OSBPL3: variants seen among roughly 807,000 people sequenced by gnomAD.
OSBPL3 encodes the protein oxysterol binding protein like 3.
In OSBPL3, 65 loss-of-function variants were observed where a neutral mutation model predicts 120.1. That is an observed-to-expected ratio of 0.54 (90% CI 0.44 to 0.67). OSBPL3 has a LOEUF of 0.67. OSBPL3 is among the 30% of genes least tolerant of loss of function. OSBPL3 has a pLI of 0.00. For synonymous variants in OSBPL3, 416 were observed against 402.6 expected (o/e 1.03, Z -0.40); for missense variants, 1,004 against 1,082.1 (o/e 0.93, Z 1.01).
rs1026222518 is a variant in OSBPL3, at chr7:24,833,482, G to A, written c.1746+1004C>T. 9.8e-5 allele frequency among the ~76,000 whole-genome samples: 15 copies of A among 152,358 alleles called. No individual in the cohort carries two copies. Among genetic ancestry groups the A allele is most frequent in the African/African-American group, 3.6e-4 (15 of 41,586 alleles). ...TTAATCTTCAAATCATTGAAGTAAT[G>A]ATGTTTTAATGAGCGCTAGAACTGC... On this transcript the variant is annotated intron_variant, in intron 15 of 22. Transcript: ENST00000313367. This position sits in a 1 kb window ranked among gnomAD's most constrained non-coding sequence, Gnocchi z 4.4.
chr7:24,864,738 C>T (rs563733481), intron 7 of OSBPL3, among the ~76,000 whole-genome samples: 7 of 152,158 alleles, frequency 4.6e-5, no homozygotes, highest in South Asian at 2.1e-4. Flanking sequence ...TGGATCTTTT[C>T]GGTTTTTAGT....
At chr7:24,909,323 G>T (rs1008160535) in intron 1 of OSBPL3, among the ~76,000 whole-genome samples, 1 of 152,106 alleles carries the variant, frequency 6.6e-6, no homozygotes, top group African/African-American at 2.4e-5. Flanking sequence ...ACTAAGGGCT[G>T]CCAATGAGAT....
In OSBPL3 at chr7:24,894,734, T is replaced by C. The variant is rs532169872; in HGVS notation, c.-149-2113A>G. ...GAGTCTGGGATGAGAGGGGTGTGTG[T>C]GCAATGTAAAGGGAGAGAAACGTGG... is the stretch of plus-strand genomic sequence containing the variant. On this transcript the variant is annotated intron_variant, in intron 1 of 22. Coordinates refer to ENST00000313367, the MANE Select transcript of OSBPL3 (RefSeq NM_015550.4). This position sits in a 1 kb window ranked among gnomAD's most constrained non-coding sequence, Gnocchi z 4.1. 6.6e-6 allele frequency among the ~76,000 whole-genome samples: 1 copy of C among 152,136 alleles called. No homozygotes were observed. Among genetic ancestry groups the C allele is most frequent in the African/African-American group, 2.4e-5 (1 of 41,416 alleles).
intron 1 of OSBPL3, 64 bp downstream of exon 1, chr7:24,979,822 G>C: frequency 1.1e-6 from 1 of 928,008 alleles, no homozygotes; most frequent in Middle Eastern, 5.5e-4. Context: ...GCCCTTCCGA[G>C]CCCGCGCCGC....
intron 13 of OSBPL3, among the ~76,000 whole-genome samples, chr7:24,841,828 A>G (rs1356187652): frequency 1.3e-5 from 2 of 151,670 alleles, no homozygotes; most frequent in Non-Finnish European, 2.9e-5. Context: ...CGTGGCCAAC[A>G]TGGTGAAACC....
At chr7:24,956,581 A>G (rs1178950018) in intron 1 of OSBPL3, among the ~76,000 whole-genome samples, 2 of 152,210 alleles carry the variant, frequency 1.3e-5, no homozygotes, top group African/African-American at 4.8e-5. Flanking sequence ...CATGAGGCAT[A>G]TATACATCTA....
At position 24,867,506 on chromosome 7, in the gene OSBPL3, C is replaced by T. The variant is rs1425905722; in HGVS notation, c.382-1269G>A. ...GGGCAAGTCATTCCCATGGTGTTCTCGTGGTGGTGCGTGGGTCTCGCAAGA... is the reference window on the plus strand; with the variant it reads ...GGGCAAGTCATTCCCATGGTGTTCTTGTGGTGGTGCGTGGGTCTCGCAAGA... On this transcript the variant is annotated intron_variant, in intron 5 of 22. Transcript: ENST00000313367. The surrounding 1 kb of genome is among the most constrained non-coding windows in gnomAD (Gnocchi z 4.5). Among the ~76,000 whole-genome samples the T allele has an allele frequency of 2.6e-5, 4 of 152,062 alleles. No homozygotes were observed. Among genetic ancestry groups the T allele is most frequent in the Admixed American group, 2.0e-4 (3 of 15,272 alleles).
chr7:24,977,906 T>G lies in OSBPL3; in HGVS notation c.-150+1980A>C, dbSNP rs375152832. ...TACAGCTTACTGCAGCCTGGGAGTA[T>G]CTGGCTTATGATGTAACTATTAACG... On this transcript the variant is annotated intron_variant, in intron 1 of 22. Coordinates refer to ENST00000313367, the MANE Select transcript of OSBPL3 (RefSeq NM_015550.4). Among the ~76,000 whole-genome samples the G allele has an allele frequency of 1.8e-4, 28 of 152,386 alleles. 4 individuals carry two copies. Among genetic ancestry groups the G allele is most frequent in the South Asian group, 1.7e-3 (8 of 4,826 alleles).
chr7:24,853,846 TC>T (rs1367517543), intron 10 of OSBPL3, among the ~76,000 whole-genome samples: 1 of 152,184 alleles, frequency 6.6e-6, no homozygotes, highest in Non-Finnish European at 1.5e-5. Context: ...TCTGTATAAT[TC>T]TTGCAACTTT....
intron 2 of OSBPL3, among the ~76,000 whole-genome samples, chr7:24,876,214 A>C (rs115937573): frequency 0.023 from 3,450 of 151,808 alleles, 135 homozygotes; most frequent in African/African-American, 0.079. Context: ...CTTTATTTCC[A>C]CTTTGGCGAT....
At chr7:24,909,975 T>C (rs1562916450) in intron 1 of OSBPL3, among the ~76,000 whole-genome samples, 1 of 151,862 alleles carries the variant, frequency 6.6e-6, no homozygotes, top group Non-Finnish European at 1.5e-5. Flanking sequence ...CGGCTAATTT[T>C]TGTACTTTTT....
rs879513146 is a variant in OSBPL3, at chr7:24,917,409, T to TGTAAC, written c.-149-24789_-149-24788insGTTAC. 2.2e-5 allele frequency among the ~76,000 whole-genome samples: 3 copies of TGTAAC among 134,996 alleles called. No individual in the cohort carries two copies. In the Middle Eastern group the frequency reaches 0.011, roughly 504 times the overall value. 88.6% of individuals were successfully genotyped at this position (134,996 alleles called of 152,430 possible). A position where few individuals can be genotyped will look rare whatever the true frequency, so the allele number is the denominator to read the frequency against. On this transcript the variant is annotated intron_variant, in intron 1 of 22. Coordinates refer to ENST00000313367, the MANE Select transcript of OSBPL3 (RefSeq NM_015550.4). ...TATATATATATTTGTAACATATATATATATATATATATATATATTTGTAAC... is the reference window on the plus strand; with the variant it reads ...TATATATATATTTGTAACATATATATGTAACATATATATATATATATATTTGTAAC...
At chr7:24,800,410 A>C in intron 22 of OSBPL3, 131 bp from the exon 23 acceptor site, 1 of 522,952 alleles carries the variant, frequency 1.9e-6, no homozygotes, top group Non-Finnish European at 3.5e-6. Context: ...GAGTGTTGGG[A>C]CCGGGAATTC....
intron 1 of OSBPL3, among the ~76,000 whole-genome samples, chr7:24,941,378 C>T (rs1319657012): frequency 6.6e-6 from 1 of 152,086 alleles, no homozygotes; most frequent in Non-Finnish European, 1.5e-5. Flanking sequence ...AACATTTCCC[C>T]TCTTTCTACT....
intron 1 of OSBPL3, among the ~76,000 whole-genome samples, chr7:24,941,049 G>T (rs1346466180): frequency 6.6e-6 from 1 of 152,148 alleles, no homozygotes; most frequent in Non-Finnish European, 1.5e-5. Flanking sequence ...TCGATCTCCT[G>T]ACCTTGTGAT....
chr7:24,951,733 G>A (rs1202412926), intron 1 of OSBPL3, among the ~76,000 whole-genome samples: 1 of 152,100 alleles, frequency 6.6e-6, no homozygotes, highest in Non-Finnish European at 1.5e-5. Context: ...ACACACCACG[G>A]GGGAGAAACC....
intron 16 of OSBPL3, among the ~76,000 whole-genome samples, chr7:24,828,167 G>C (rs1795919397): frequency 6.6e-6 from 1 of 151,988 alleles, no homozygotes; most frequent in South Asian, 2.1e-4. Context: ...TGGGATTATA[G>C]GCATGTGACA....
Position 24,805,242 on chromosome 7 carries a change from T to C in OSBPL3, c.2445-805A>G, listed in dbSNP as rs1269436725. On this transcript the variant is annotated intron_variant, in intron 21 of 22. Coordinates refer to ENST00000313367, the MANE Select transcript of OSBPL3 (RefSeq NM_015550.4). The surrounding 1 kb of genome is among the most constrained non-coding windows in gnomAD (Gnocchi z 4.0). ...CCTTTTCTCCCATAACCTCAAAGTG[T>C]ATAAAACTTCTGAATTTTTGCCAAT... Among the ~76,000 whole-genome samples the C allele has an allele frequency of 6.6e-6, 1 of 152,200 alleles. No individual in the cohort carries two copies. The highest frequency in any genetic ancestry group is 2.4e-5 in the African/African-American group (1 of 41,446).
intron 1 of OSBPL3, among the ~76,000 whole-genome samples, chr7:24,963,138 A>C (rs765994036): frequency 3.9e-5 from 6 of 152,176 alleles, no homozygotes; most frequent in Non-Finnish European, 7.4e-5. Flanking sequence ...TTGGGCCTTT[A>C]GAGCACTAAA....
Sources: allele counts gnomAD v4.1 joint callset (sites outside exome capture counted in the v4.1 genomes callset), GRCh38; gene constraint gnomAD v4.1.1; non-coding constraint Gnocchi (gnomAD v3.1); transcripts MANE v1.5; gene names NCBI Gene and HGNC (gene_info 2026-07-23, HGNC 2026-07-21).